Variants in KIRREL3 observed in about 807,000 individuals in gnomAD.
KIRREL3 encodes kirre like nephrin family adhesion molecule 3.
Under a neutral mutation model 89.7 loss-of-function variants are expected in KIRREL3, and 36 were observed. The observed-to-expected ratio is 0.40, with a 90% confidence interval of 0.31 to 0.53. The LOEUF (loss-of-function observed/expected upper bound fraction) is 0.53. Ranked by LOEUF, KIRREL3 falls within the 20% of genes least tolerant of loss-of-function variation. The pLI is 0.49. For missense variants in KIRREL3, 864 were observed against 1,056.6 expected (o/e 0.82, Z 2.53); for synonymous variants, 445 against 441.4 (o/e 1.01, Z -0.10).
Position 126,985,653 on chromosome 11 carries a change from C to T in KIRREL3, c.55+14802G>A, listed in dbSNP as rs1016528131. Among the ~76,000 whole-genome samples, 3 of 151,980 alleles carry T rather than the reference C, an allele frequency of 2.0e-5. No homozygotes were observed. The highest frequency in any genetic ancestry group is 2.9e-5 in the Non-Finnish European group (2 of 68,010). On this transcript the variant is annotated intron_variant, in intron 1 of 16. Transcript: ENST00000525144. The surrounding 1 kb of genome is among the most constrained non-coding windows in gnomAD (Gnocchi z 5.3). ...CACATTCGGACAATGTCAGCGGCTC[C>T]GTGTGTTGGAGTAAAGGGGCATATG...
intron 2 of KIRREL3, among the ~76,000 whole-genome samples, chr11:126,548,358 T>G (rs111740778): frequency 6.6e-6 from 1 of 152,138 alleles, no homozygotes; most frequent in Non-Finnish European, 1.5e-5. Context: ...TTCTCTTTAG[T>G]TGCGGAGGCC....
rs147383765 is a variant in KIRREL3 at position 126,940,497 on chromosome 11, T to C, written c.55+59958A>G. The stretch of plus-strand genomic sequence containing the variant: ...TATGAATCCATTAGCTCAGCAGACC[T>C]TACAAACGGCCTTCACTACTCTGGA... On this transcript the variant is annotated intron_variant, in intron 1 of 16. Transcript: ENST00000525144. This position sits in a 1 kb window ranked among gnomAD's most constrained non-coding sequence, Gnocchi z 4.6. 1.3e-5 allele frequency: 2 copies of C among 152,332 alleles called. No individual in the cohort carries two copies. Among genetic ancestry groups the C allele is most frequent in the Non-Finnish European group, 2.9e-5 (2 of 68,032 alleles). 9.4% of individuals were successfully genotyped at this position (152,332 alleles called of 1,614,324 possible). A position where few individuals can be genotyped will look rare whatever the true frequency, so the allele number is the denominator to read the frequency against.
chr11:126,974,125 A>G (rs555987370), intron 1 of KIRREL3, among the ~76,000 whole-genome samples: 7 of 152,160 alleles, frequency 4.6e-5, no homozygotes, highest in Non-Finnish European at 7.3e-5. Flanking sequence ...TGCAAATGCC[A>G]TCTCCACAAG....
intron 4 of KIRREL3, among the ~76,000 whole-genome samples, chr11:126,507,086 A>T (rs1474337073): frequency 6.6e-6 from 1 of 152,198 alleles, no homozygotes; most frequent in Non-Finnish European, 1.5e-5. Flanking sequence ...AATCTCAAAC[A>T]CATTTTTCCA....
chr11:126,744,790 T>C lies in KIRREL3; in HGVS notation c.56-181878A>G, dbSNP rs1303788556. ...GAATGCTGCCTTCCCTGCTAGAATA[T>C]AGGCTTCATGAGGCAGGTACTGTAT... On this transcript the variant is annotated intron_variant, in intron 1 of 16. Coordinates refer to ENST00000525144, the MANE Select transcript of KIRREL3 (RefSeq NM_032531.4). This position sits in a 1 kb window ranked among gnomAD's most constrained non-coding sequence, Gnocchi z 4.7. Among the ~76,000 whole-genome samples, 1 of 151,750 alleles carries C rather than the reference T, an allele frequency of 6.6e-6. No individual in the cohort carries two copies. Among genetic ancestry groups the C allele is most frequent in the East Asian group, 1.9e-4 (1 of 5,154 alleles).
At chr11:126,680,877 A>G (rs1416381356) in intron 1 of KIRREL3, among the ~76,000 whole-genome samples, 1 of 152,210 alleles carries the variant, frequency 6.6e-6, no homozygotes, top group Non-Finnish European at 1.5e-5. Flanking sequence ...TGCCAGAAAT[A>G]TTACCTTCAG....
intron 1 of KIRREL3, among the ~76,000 whole-genome samples, chr11:126,598,403 C>T (rs1942496724): frequency 6.6e-6 from 1 of 152,206 alleles, no homozygotes; most frequent in South Asian, 2.1e-4. Flanking sequence ...TCCTAGCCTT[C>T]CTTAAGAAGC....
In KIRREL3 at chr11:126,526,836, T is replaced by C. The variant is rs2039848844; in HGVS notation, c.134-149A>G. On this transcript the variant is annotated intron_variant, in intron 2 of 16. Coordinates refer to ENST00000525144, the MANE Select transcript of KIRREL3 (RefSeq NM_032531.4). This position sits in a 1 kb window ranked among gnomAD's most constrained non-coding sequence, Gnocchi z 5.7. ...TTCCTGCTGAGGGTCTGGTAGAGCT[T>C]CCTAACTGGTCTCAGCCCCAGCTCT... 3 of 840,140 alleles carry C rather than the reference T, an allele frequency of 3.6e-6. No homozygotes were observed. The highest frequency in any genetic ancestry group is 1.8e-6 in the Non-Finnish European group (1 of 541,936). The allele number at this position is 840,140 out of a possible 1,614,324, so 52.0% of individuals were successfully genotyped here.
chr11:126,443,595 A>C lies in KIRREL3; in HGVS notation c.1252+1384T>G, dbSNP rs1955671871. 6.6e-6 allele frequency among the ~76,000 whole-genome samples: 1 copy of C among 151,040 alleles called. No homozygotes were observed. Among genetic ancestry groups the C allele is most frequent in the Non-Finnish European group, 1.5e-5 (1 of 67,720 alleles). On this transcript the variant is annotated intron_variant, in intron 10 of 16. Transcript: ENST00000525144. The surrounding 1 kb of genome is among the most constrained non-coding windows in gnomAD (Gnocchi z 7.3). ...ACGACTCTGGGGTGGGGGGAGAGGA[A>C]TGGAAATGCGGGGCAGTGTGGGGGG...
chr11:126,759,426 C>T (rs180765923), intron 1 of KIRREL3, among the ~76,000 whole-genome samples: 1 of 152,180 alleles, frequency 6.6e-6, no homozygotes, highest in African/African-American at 2.4e-5. Flanking sequence ...CTGTACCCGG[C>T]CATGGGTATG....
chr11:126,929,577 G>C (rs1947854703), intron 1 of KIRREL3, among the ~76,000 whole-genome samples: 1 of 152,084 alleles, frequency 6.6e-6, no homozygotes, highest in South Asian at 2.1e-4. Context: ...CCACGTAAAA[G>C]CAAACAGAGC....
chr11:126,975,760 C>T (rs998197751), intron 1 of KIRREL3, among the ~76,000 whole-genome samples: 7 of 152,130 alleles, frequency 4.6e-5, no homozygotes, highest in Non-Finnish European at 8.8e-5. Context: ...AAAAAGCACC[C>T]CAGTTGATTC....
Position 126,724,276 on chromosome 11 carries a change from T to C in KIRREL3, c.56-161364A>G, listed in dbSNP as rs1948291007. On this transcript the variant is annotated intron_variant, in intron 1 of 16. Transcript: ENST00000525144. This position sits in a 1 kb window ranked among gnomAD's most constrained non-coding sequence, Gnocchi z 4.3. ...TGATTCCTGTCTCCTGCAGGTTGGT[T>C]CATTTTCTTTCAAACACCTGTGCTG... 6.6e-6 allele frequency among the ~76,000 whole-genome samples: 1 copy of C among 152,244 alleles called. No individual in the cohort carries two copies. Among genetic ancestry groups the C allele is most frequent in the African/African-American group, 2.4e-5 (1 of 41,458 alleles).
At chr11:126,756,106 A>G (rs1331713027) in intron 1 of KIRREL3, among the ~76,000 whole-genome samples, 3 of 152,230 alleles carry the variant, frequency 2.0e-5, no homozygotes. Context: ...TATTTGGCCA[A>G]TAAAGCTCAT....
At position 126,476,006 on chromosome 11, in the gene KIRREL3, C is replaced by T. The variant is rs73031045; in HGVS notation, c.434-2540G>A. The stretch of plus-strand genomic sequence containing the variant: ...TGGGGACAGCCTGGATACCTGGGGC[C>T]TCAGCCTTCCCAGTGACTGTGGAAA... On this transcript the variant is annotated intron_variant, in intron 4 of 16. Coordinates refer to ENST00000525144, the MANE Select transcript of KIRREL3 (RefSeq NM_032531.4). This position sits in a 1 kb window ranked among gnomAD's most constrained non-coding sequence, Gnocchi z 6.4. 8.9e-3 allele frequency among the ~76,000 whole-genome samples: 1,354 copies of T among 152,278 alleles called. 28 individuals carry two copies. Among genetic ancestry groups the T allele is most frequent in the Admixed American group, 0.05 (760 of 15,306 alleles).
intron 1 of KIRREL3, among the ~76,000 whole-genome samples, chr11:126,956,573 G>A (rs531357876): frequency 1.8e-4 from 28 of 152,198 alleles, no homozygotes; most frequent in Non-Finnish European, 3.5e-4. Context: ...CCAAGGAGAC[G>A]TGACTCCAGT....
Position 126,978,010 on chromosome 11 carries a change from G to C in KIRREL3, c.55+22445C>G, listed in dbSNP as rs1565472705. ...ACTCTCCATTGAGTGGATTTCTGTA[G>C]TACGACTCTGCTGCCAGTCTACTGA... is the stretch of plus-strand genomic sequence containing the variant. On this transcript the variant is annotated intron_variant, in intron 1 of 16. Coordinates refer to ENST00000525144, the MANE Select transcript of KIRREL3 (RefSeq NM_032531.4). The surrounding 1 kb of genome is among the most constrained non-coding windows in gnomAD (Gnocchi z 4.2). 6.6e-6 allele frequency among the ~76,000 whole-genome samples: 1 copy of C among 152,156 alleles called. No homozygotes were observed. The highest frequency in any genetic ancestry group is 1.9e-4 in the East Asian group (1 of 5,186).
chr11:126,837,375 T>A lies in KIRREL3; in HGVS notation c.55+163080A>T, dbSNP rs1420145374. 6.6e-6 allele frequency among the ~76,000 whole-genome samples: 1 copy of A among 152,200 alleles called. No homozygotes were observed. Among genetic ancestry groups the A allele is most frequent in the African/African-American group, 2.4e-5 (1 of 41,454 alleles). On this transcript the variant is annotated intron_variant, in intron 1 of 16. Coordinates refer to ENST00000525144, the MANE Select transcript of KIRREL3 (RefSeq NM_032531.4). This position sits in a 1 kb window ranked among gnomAD's most constrained non-coding sequence, Gnocchi z 4.7. ...AAATTATCAAATATAGCTGAGATAA[T>A]ATTTCAAAACTCTGAATTCAAAACT...
At position 126,518,412 on chromosome 11, in the gene KIRREL3, C is replaced by T. The variant is rs1344256125; in HGVS notation, c.433+2903G>A. Among the ~76,000 whole-genome samples the T allele has an allele frequency of 3.9e-5, 6 of 152,376 alleles. No individual in the cohort carries two copies. In the East Asian group the frequency reaches 7.7e-4, roughly 20 times the overall value. On this transcript the variant is annotated intron_variant, in intron 4 of 16. Transcript: ENST00000525144. ...TTCGATGGAAGACCCCCGGGGGCCT[C>T]CCTCTGTTCTAGCCAAAGTGTTTGC...
Sources: gnomAD v4.1 joint callset for allele counts (sites outside exome capture counted in the v4.1 genomes callset) on GRCh38, gnomAD v4.1.1 for gene constraint, Gnocchi (gnomAD v3.1) non-coding constraint, MANE v1.5 for transcripts, NCBI Gene and HGNC (gene_info 2026-07-23, HGNC 2026-07-21) for gene names.